The following MEGF8 variants were observed in gnomAD, a reference collection of about 807,000 sequenced individuals.
MEGF8 encodes the protein multiple EGF like domains 8, also known as multiple epidermal growth factor-like domains protein 8.
A neutral mutation model predicts 302.9 loss-of-function variants in MEGF8; 156 were observed. That is an observed-to-expected ratio of 0.52 (90% CI 0.45 to 0.59). The LOEUF is 0.59. MEGF8 is among the 20% of genes least tolerant of loss of function. The pLI is 0.00. For missense variants in MEGF8, 3,345 were observed against 3,964.5 expected, an observed-to-expected ratio of 0.84 and a Z score of 4.20; for synonymous variants, 1,621 against 1,660.5, an observed-to-expected ratio of 0.98 and a Z score of 0.58.
chr19:42,355,078 T>C (rs1157011941), intron 23 of MEGF8, among the ~76,000 whole-genome samples: 1 of 152,162 alleles, frequency 6.6e-6, no homozygotes, highest in Non-Finnish European at 1.5e-5. Context: ...TGCCTCAGCC[T>C]CCCGAGTAGC....
chr19:42,343,406 G>A, intron 8 of MEGF8, 71 bp from the exon 9 acceptor site: 1 of 1,488,990 alleles, frequency 6.7e-7, no homozygotes, highest in Non-Finnish European at 9.1e-7. Flanking sequence ...TGGCCCAGGA[G>A]AATCAGGAGC....
chr19:42,355,914 G>A lies in MEGF8; in HGVS notation c.4301G>A (p.Arg1434Gln), dbSNP rs774551623. Residue 1434 changes from arginine (R) to glutamine (Q), a missense_variant, in exon 24 of 42, where the codon CGA becomes CAA. Physicochemically the swap from Arg to Gln is conservative, Grantham distance 43 (BLOSUM62 1). Coordinates refer to ENST00000251268, the MANE Select transcript of MEGF8 (RefSeq NM_001271938.2). ...GGTGCTGCAGGTGCGGGGCTCTGCC[G>A]ATGTCCTCAGGGCTGGGCTGGCCCA... ...QDGAAGAGLC[R>Q]CPQGWAGPHC... 6.9e-6 allele frequency: 11 copies of A among 1,599,548 alleles called. No homozygotes were observed. Among genetic ancestry groups the A allele is most frequent in the South Asian group, 4.5e-5 (4 of 88,712 alleles).
At chr19:42,350,679 G>A (rs1320725884) in intron 15 of MEGF8, among the ~76,000 whole-genome samples, 1 of 152,236 alleles carries the variant, frequency 6.6e-6, no homozygotes, top group Non-Finnish European at 1.5e-5. Context: ...CCACCTCCAA[G>A]TGATGTCAGG....
chr19:42,326,233 A>G lies in MEGF8; in HGVS notation c.-11A>G, dbSNP rs751559172. 3 of 1,522,886 alleles carry G rather than the reference A, an allele frequency of 2.0e-6. No individual in the cohort carries two copies. Among genetic ancestry groups the G allele is most frequent in the Non-Finnish European group, 2.6e-6 (3 of 1,145,572 alleles). The allele number at this position is 1,522,886 out of a possible 1,614,324, so 94.3% of individuals were successfully genotyped here. ...CTGTCCCCGCTCTAAGGGTCAGTGCAGGAGGCGGCGATGGCCCTGGGCAAG... is the reference window on the plus strand; with the variant it reads ...CTGTCCCCGCTCTAAGGGTCAGTGCGGGAGGCGGCGATGGCCCTGGGCAAG... On this transcript the variant is annotated 5_prime_UTR_variant, in exon 1 of 42. Transcript: ENST00000251268.
Position 42,354,500 on chromosome 19 carries a change from C to T in MEGF8, c.4012-88C>T. 6.2e-6 allele frequency: 9 copies of T among 1,454,126 alleles called. No individual in the cohort carries two copies. The highest frequency in any genetic ancestry group is 7.5e-6 in the Non-Finnish European group (8 of 1,070,000). 90.1% of individuals were successfully genotyped at this position (1,454,126 alleles called of 1,614,324 possible). ...GCCCATTTCCCAGTCTCAGATTGCC[C>T]TCCCCTCTTGAACCCCTCCTCCTCC... On this transcript the variant is annotated intron_variant, in intron 22 of 41. Coordinates refer to ENST00000251268, the MANE Select transcript of MEGF8 (RefSeq NM_001271938.2). The surrounding 1 kb of genome is among the most constrained non-coding windows in gnomAD (Gnocchi z 4.3).
intron 8 of MEGF8, among the ~76,000 whole-genome samples, chr19:42,343,032 G>C (rs572872266): frequency 6.6e-6 from 1 of 152,290 alleles, no homozygotes; most frequent in East Asian, 1.9e-4. Context: ...CACCAGAAGA[G>C]AGGCTGGTGC....
chr19:42,369,438 G>T lies in MEGF8; in HGVS notation c.6642-93G>T. 1 of 1,345,604 alleles carries T rather than the reference G, an allele frequency of 7.4e-7. No homozygotes were observed. 83.4% of individuals were successfully genotyped at this position (1,345,604 alleles called of 1,614,324 possible). A position where few individuals can be genotyped will look rare whatever the true frequency, so the allele number is the denominator to read the frequency against. On this transcript the variant is annotated intron_variant, in intron 37 of 41. Transcript: ENST00000251268. The surrounding 1 kb of genome is among the most constrained non-coding windows in gnomAD (Gnocchi z 5.7). Reference sequence around the variant, plus strand: ...GGGACAGAGCAGGGATGAGCAACCAGTTGAGAAGAGGGTGGGGTAGTTGGT... The same window carrying T: ...GGGACAGAGCAGGGATGAGCAACCATTTGAGAAGAGGGTGGGGTAGTTGGT...
rs2039781306 is a variant in MEGF8 at position 42,377,187 on chromosome 19, G to T, written c.*412G>T. On this transcript the variant is annotated 3_prime_UTR_variant, in exon 42 of 42. Transcript: ENST00000251268. ...GGATGTGGCAGTGAGGGACGATGGGGTGAAGTCAGCTGGGCATTCAAAGAA... is the reference window on the plus strand; with the variant it reads ...GGATGTGGCAGTGAGGGACGATGGGTTGAAGTCAGCTGGGCATTCAAAGAA... 1 of 177,278 alleles carries T rather than the reference G, an allele frequency of 5.6e-6. No homozygotes were observed. The allele number at this position is 177,278 out of a possible 1,614,324, so 11.0% of individuals were successfully genotyped here. A position where few individuals can be genotyped will look rare whatever the true frequency, so the allele number is the denominator to read the frequency against.
In MEGF8 at chr19:42,359,124, A is replaced by C. The variant is rs1484643698; in HGVS notation, c.5370A>C (p.Ser1790=). 1.3e-6 allele frequency: 2 copies of C among 1,537,584 alleles called. No individual in the cohort carries two copies. The highest frequency in any genetic ancestry group is 1.5e-5 in the African/African-American group (1 of 66,268). ...CCCGCCCCCGGCTTTTCCACGCCTC[A>C]GCCCTGTTAGGGGACACCATGGTGG... ...KEPRPRLFHA[S]ALLGDTMVVL... is the part of the protein sequence containing the mutation. Residue 1790 remains serine (S), a synonymous_variant, in exon 31 of 42, where the codon TCA becomes TCC. Transcript: ENST00000251268.
chr19:42,353,017 CT>C lies in MEGF8; in HGVS notation c.3441del (p.Thr1149HisfsTer190), dbSNP rs1568566883. On this transcript the variant is annotated frameshift_variant, in exon 20 of 42. Coordinates refer to ENST00000251268, the MANE Select transcript of MEGF8 (RefSeq NM_001271938.2). LOFTEE classifies it high-confidence loss of function. This position sits in a 1 kb window ranked among gnomAD's most constrained non-coding sequence, Gnocchi z 6.1. ...CTAGGCTGGACATCAGACCTGCCCC[CT>C]CCCACACCCGCCCCGGGTCCGCCAG... The part of the protein sequence containing the change: ...CDLGWTSDLP[P>X]PTPAPGPPAP... 3.8e-6 allele frequency: 6 copies of C among 1,564,158 alleles called. No individual in the cohort carries two copies. Among genetic ancestry groups the C allele is most frequent in the Admixed American group, 1.9e-5 (1 of 52,756 alleles).
Position 42,375,590 on chromosome 19 carries a change from C to T in MEGF8, c.7353C>T (p.Cys2451=), listed in dbSNP as rs1488140657. 6.3e-7 allele frequency: 1 copy of T among 1,588,444 alleles called. No individual in the cohort carries two copies. The highest frequency in any genetic ancestry group is 1.8e-5 in the Admixed American group (1 of 56,958). Residue 2451 remains cysteine (C), a synonymous_variant, in exon 42 of 42, where the codon TGC becomes TGT. Transcript: ENST00000251268. The surrounding 1 kb of genome is among the most constrained non-coding windows in gnomAD (Gnocchi z 7.1). ...GCCTCATCTCGGTGGAGCAGGAGTG[C>T]TGCCTGGACCCCACGTCCCAGACCA... ...CYRLISVEQE[C]CLDPTSQTNC... is the part of the protein sequence containing the mutation.
Position 42,352,625 on chromosome 19 carries a change from C to T in MEGF8, c.3350+169C>T, listed in dbSNP as rs2039392960. 6.6e-6 allele frequency among the ~76,000 whole-genome samples: 1 copy of T among 152,230 alleles called. No individual in the cohort carries two copies. Among genetic ancestry groups the T allele is most frequent in the African/African-American group, 2.4e-5 (1 of 41,456 alleles). ...GTCCTTATTAGAGTGACAGGGTCCC[C>T]AGTGTAACCCTGGTTACCATGGAAA... On this transcript the variant is annotated intron_variant, in intron 19 of 41. Coordinates refer to ENST00000251268, the MANE Select transcript of MEGF8 (RefSeq NM_001271938.2). The surrounding 1 kb of genome is among the most constrained non-coding windows in gnomAD (Gnocchi z 4.4).
intron 1 of MEGF8, among the ~76,000 whole-genome samples, chr19:42,328,463 G>C (rs764402861): frequency 6.6e-6 from 1 of 152,098 alleles, no homozygotes; most frequent in African/African-American, 2.4e-5. Context: ...TCTGGCTGCT[G>C]TGTGGGGTAT....
In MEGF8 at chr19:42,353,217, A is replaced by C. The variant is rs1363958115; in HGVS notation, c.3550+90A>C. ...GTTTGCTCTTCTTGGAGGGGGCCTC[A>C]GTGTCCTCTCATGCAGCTCTAGGTC... On this transcript the variant is annotated intron_variant, in intron 20 of 41. Transcript: ENST00000251268. The surrounding 1 kb of genome is among the most constrained non-coding windows in gnomAD (Gnocchi z 6.1). 4.3e-5 allele frequency: 54 copies of C among 1,264,194 alleles called. No individual in the cohort carries two copies. Among genetic ancestry groups the C allele is most frequent in the Non-Finnish European group, 5.8e-5 (54 of 928,310 alleles). 78.3% of individuals were successfully genotyped at this position (1,264,194 alleles called of 1,614,324 possible).
intron 8 of MEGF8, among the ~76,000 whole-genome samples, chr19:42,339,080 T>G (rs1242999411): frequency 6.6e-6 from 1 of 151,934 alleles, no homozygotes; most frequent in Non-Finnish European, 1.5e-5. Context: ...GTGATCCACC[T>G]GCCTCGGCCT....
chr19:42,346,547 C>A (rs1053912936), intron 12 of MEGF8, among the ~76,000 whole-genome samples: 1 of 152,054 alleles, frequency 6.6e-6, no homozygotes, highest in African/African-American at 2.4e-5. Context: ...CATGGTGATG[C>A]GTGCCTGTAG....
At chr19:42,367,219 C>G (rs1043378600) in intron 35 of MEGF8, among the ~76,000 whole-genome samples, 1 of 152,090 alleles carries the variant, frequency 6.6e-6, no homozygotes, top group Non-Finnish European at 1.5e-5. Context: ...TTCAGGTTCT[C>G]AGTGTGGGGT....
In MEGF8 at chr19:42,352,987, G is replaced by A; in HGVS notation, c.3410G>A (p.Cys1137Tyr). 1 of 1,597,294 alleles carries A rather than the reference G, an allele frequency of 6.3e-7. No individual in the cohort carries two copies. The highest frequency in any genetic ancestry group is 1.1e-5 in the South Asian group (1 of 87,776). ...CSGPPDFTCV[C>Y]DLGWTSDLPP... ...GGCCCCCCGGACTTTACCTGCGTGT[G>A]TGACCTAGGCTGGACATCAGACCTG... The change falls in exon 20 of 42, where the codon TGT becomes TAT. Residue 1137 changes from cysteine to tyrosine, a missense_variant. By Grantham distance (194) the Cys-to-Tyr change is radical (BLOSUM62 -2). Coordinates refer to ENST00000251268, the MANE Select transcript of MEGF8 (RefSeq NM_001271938.2). This position sits in a 1 kb window ranked among gnomAD's most constrained non-coding sequence, Gnocchi z 4.4.
chr19:42,336,867 G>A lies in MEGF8; in HGVS notation c.1305G>A (p.Thr435=), dbSNP rs202046167. The part of the protein sequence containing the change: ...LFHVDRHVWT[T]LKGRDGLQGP... ...ACGTGGATCGGCATGTGTGGACGAC[G>A]CTGAAGGGGCGGGATGGGCTTCAGG... Residue 435 remains threonine (T), a synonymous_variant, in exon 7 of 42, where the codon ACG becomes ACA. Transcript: ENST00000251268. This position sits in a 1 kb window ranked among gnomAD's most constrained non-coding sequence, Gnocchi z 4.8. 9.9e-6 allele frequency: 16 copies of A among 1,612,810 alleles called. No individual in the cohort carries two copies. The Admixed American group carries it at 1.3e-4, about 14-fold the overall frequency.
Sources: allele counts gnomAD v4.1 joint callset (sites outside exome capture counted in the v4.1 genomes callset), GRCh38; gene constraint gnomAD v4.1.1; non-coding constraint Gnocchi (gnomAD v3.1); transcripts MANE v1.5; gene names NCBI Gene and HGNC (gene_info 2026-07-23, HGNC 2026-07-21).